Variants in ATR observed in about 807,000 individuals in gnomAD.
ATR encodes the protein serine/threonine-protein kinase ATR.
Under a neutral mutation model 305.3 loss-of-function variants are expected in ATR, and 142 were observed. The observed-to-expected ratio is 0.47, with a 90% CI of 0.41 to 0.53. The LOEUF is 0.53. ATR is among the 20% of genes least tolerant of loss of function. The probability of loss-of-function intolerance (pLI) is 0.00; values close to 1 mark genes in which losing one functional copy is unlikely to be tolerated. For synonymous variants in ATR, 1,050 were observed against 1,068.1 expected (o/e 0.98, Z 0.33); for missense variants, 2,135 against 3,133.1 (o/e 0.68, Z 7.60).
intron 35 of ATR, among the ~76,000 whole-genome samples, chr3:142,492,638 T>C (rs939688481): frequency 2.0e-5 from 3 of 152,220 alleles, no homozygotes; most frequent in Non-Finnish European, 2.9e-5. Flanking sequence ...TCTTCGAATA[T>C]ATGCAAATAA....
intron 24 of ATR, among the ~76,000 whole-genome samples, chr3:142,519,107 C>A (rs2033032429): frequency 6.6e-6 from 1 of 152,028 alleles, no homozygotes; most frequent in Admixed American, 6.6e-5. Flanking sequence ...TACTACCGAC[C>A]ATTGAACTTT....
At chr3:142,499,591 T>C (rs778695235) in intron 31 of ATR, 36 bp downstream of exon 31, 3 of 1,598,300 alleles carry the variant, frequency 1.9e-6, no homozygotes, top group Admixed American at 3.3e-5. Flanking sequence ...ACCGCACCCA[T>C]CCTAAAACTG....
chr3:142,486,169 CA>C (rs2030912456), intron 35 of ATR, among the ~76,000 whole-genome samples: 1 of 151,988 alleles, frequency 6.6e-6, no homozygotes, highest in Admixed American at 6.6e-5. Context: ...GGATCACTGA[CA>C]ATTTTTTTTT....
intron 45 of ATR, among the ~76,000 whole-genome samples, chr3:142,456,576 GA>G (rs913832949): frequency 3.3e-4 from 46 of 138,604 alleles, no homozygotes; most frequent in Admixed American, 3.6e-4. Flanking sequence ...TGTCTCAAAG[GA>G]AAAAAAAAAA....
chr3:142,461,843 A>C, intron 42 of ATR, 97 bp downstream of exon 42: 1 of 1,333,438 alleles, frequency 7.5e-7, no homozygotes, highest in Non-Finnish European at 1.1e-6. Context: ...TATAGCTTAT[A>C]TCAAAAAACA....
At chr3:142,576,119 G>A (rs1577727216) in intron 1 of ATR, among the ~76,000 whole-genome samples, 3 of 152,314 alleles carry the variant, frequency 2.0e-5, no homozygotes, top group East Asian at 1.9e-4. Context: ...GAGACAGTGA[G>A]AAGTGTTAGA....
At chr3:142,522,970 G>T in intron 22 of ATR, 129 bp from the exon 23 acceptor site, 1 of 756,314 alleles carries the variant, frequency 1.3e-6, no homozygotes, top group Non-Finnish European at 2.3e-6. Flanking sequence ...GGAAAAGACA[G>T]TGAGGTTCAA....
chr3:142,452,147 A>G (rs548556431), intron 46 of ATR: 28 of 1,018,034 alleles, frequency 2.8e-5, no homozygotes, highest in Non-Finnish European at 3.3e-5. Context: ...CAAAGGGTTA[A>G]GGATGACATG....
chr3:142,535,248 T>C, intron 20 of ATR, 43 bp from the exon 21 acceptor site: 1 of 1,609,526 alleles, frequency 6.2e-7, no homozygotes, highest in Non-Finnish European at 8.5e-7. Flanking sequence ...TAATCAACTA[T>C]TTTAACAACC....
intron 30 of ATR, among the ~76,000 whole-genome samples, chr3:142,500,812 G>T (rs2031917901): frequency 6.6e-6 from 1 of 152,106 alleles, no homozygotes; most frequent in South Asian, 2.1e-4. Flanking sequence ...GACTTTACAA[G>T]CTTACCATCA....
rs1438484281 is a variant in ATR, at chr3:142,462,100, A to C, written c.7042-10T>G. The C allele has an allele frequency of 6.2e-7, 1 of 1,607,382 alleles. No homozygotes were observed. The highest frequency in any genetic ancestry group is 8.5e-7 in the Non-Finnish European group (1 of 1,176,380). ...CATCTTTTCTTAAGCACTGTTAAAA[A>C]ATACACATAAATTTAAAAACAAGAT... is the stretch of plus-strand genomic sequence containing the variant. On this transcript the variant is annotated splice_polypyrimidine_tract_variant and intron_variant, in intron 41 of 46. Coordinates refer to ENST00000350721, the MANE Select transcript of ATR (RefSeq NM_001184.4).
intron 23 of ATR, among the ~76,000 whole-genome samples, 193 bp from the exon 24 acceptor site, chr3:142,519,977 T>TA (rs1280590219): frequency 1.3e-5 from 2 of 152,228 alleles, no homozygotes; most frequent in Non-Finnish European, 2.9e-5. Flanking sequence ...TTGTGGCCAC[T>TA]ATGCATGCAG....
rs2108488534 is a variant in ATR at position 142,562,948 on chromosome 3, G to A, written c.454C>T (p.Leu152Phe). The change falls in exon 4 of 47, where the codon CTT (leucine) becomes TTT (phenylalanine). Residue 152 changes from leucine to phenylalanine, a missense_variant. By Grantham distance (22) the Leu-to-Phe change is conservative. This residue lies in a region of ATR where 744 missense variants were observed against 873.2 expected (regional missense o/e 0.85). Transcript: ENST00000350721. The part of the protein sequence containing the change: ...FGVLTKELLQ[L>F]FEDLVYLHRR... ...TGGAGGTAAACCAAGTCTTCAAAAAGTTGTAATAATTCTTTTGTGAGTACC... is the reference window on the plus strand; with the variant it reads ...TGGAGGTAAACCAAGTCTTCAAAAAATTGTAATAATTCTTTTGTGAGTACC... The A allele has an allele frequency of 8.7e-6, 14 of 1,612,804 alleles. No homozygotes were observed. Among genetic ancestry groups the A allele is most frequent in the Non-Finnish European group, 1.2e-5 (14 of 1,179,678 alleles).
chr3:142,555,994 A>G lies in ATR; in HGVS notation c.2224T>C (p.Cys742Arg). 6.2e-7 allele frequency: 1 copy of G among 1,614,142 alleles called. No homozygotes were observed. Among genetic ancestry groups the G allele is most frequent in the Non-Finnish European group, 8.5e-7 (1 of 1,179,996 alleles). The change falls in exon 10 of 47, where the codon TGT (cysteine) becomes CGT (arginine). Residue 742 changes from cysteine (C) to arginine (R), a missense_variant. Cys to Arg is a radical substitution (Grantham distance 180). Transcript: ENST00000350721. ...TGAGAAGTGGCTTTCAAGTTCCTAC[A>G]GAAGAGGTCCACATGTCCGTGTTCA... ...FSEHGHVDLF[C>R]RNLKATSQHE...
Position 142,560,316 on chromosome 3 carries a change from G to A in ATR, c.1488C>T (p.Val496=), listed in dbSNP as rs774470632. Residue 496 remains valine, a synonymous_variant, in exon 6 of 47, where the codon GTC becomes GTT. Transcript: ENST00000350721. ...CAGTACACAGAGCAGTCAGTTGTAA[G>A]ACAACAGCAATTCCTTCTAACATCT... ...VIEMLEGIAV[V]LQLTALCTVH... is the part of the protein sequence containing the mutation. The A allele has an allele frequency of 3.2e-5, 51 of 1,613,834 alleles. No individual in the cohort carries two copies. The highest frequency in any genetic ancestry group is 4.2e-5 in the Non-Finnish European group (49 of 1,179,906).
At chr3:142,529,016 TG>T (rs1442154772) in intron 21 of ATR, among the ~76,000 whole-genome samples, 1 of 149,660 alleles carries the variant, frequency 6.7e-6, no homozygotes, top group Non-Finnish European at 1.5e-5. Context: ...CCTGAGCAGC[TG>T]GGATTACAGG....
intron 23 of ATR, 116 bp downstream of exon 23, chr3:142,522,612 A>G (rs1180909147): frequency 5.6e-6 from 5 of 899,594 alleles, no homozygotes; most frequent in African/African-American, 1.7e-5. Context: ...ATGAACTTGT[A>G]TAACTTTGAT....
At chr3:142,553,443 CACACACACACACACAT>C (rs386398118) in intron 12 of ATR, 45 bp from the exon 13 acceptor site, 1 of 1,537,820 alleles carries the variant, frequency 6.5e-7, no homozygotes. Flanking sequence ...AACACACACA[CACACACACACACACAT>C]ACACACACAT....
At position 142,570,463 on chromosome 3, in the gene ATR, C is replaced by T. The variant is rs1018502610; in HGVS notation, c.60-2309G>A. On this transcript the variant is annotated intron_variant, in intron 1 of 46. Coordinates refer to ENST00000350721, the MANE Select transcript of ATR (RefSeq NM_001184.4). ...GTGCAATGGCGCGATCTCAGCTCAC[C>T]GCAACCTCCGCCTCCTGGGTTCAAG... Among the ~76,000 whole-genome samples the T allele has an allele frequency of 5.3e-5, 8 of 152,008 alleles. No homozygotes were observed. The East Asian group carries it at 5.8e-4, about 11-fold the overall frequency.
Sources: allele counts gnomAD v4.1 joint callset (sites outside exome capture counted in the v4.1 genomes callset), GRCh38; gene constraint gnomAD v4.1.1; regional missense constraint gnomAD v4.1.1; transcripts MANE v1.5; gene names NCBI Gene and HGNC (gene_info 2026-07-23, HGNC 2026-07-21).